Variants in MMP16 observed in about 807,000 individuals in gnomAD.
MMP16 encodes matrix metallopeptidase 16.
A neutral mutation model predicts 67.8 loss-of-function variants in MMP16; 12 were observed. The observed-to-expected ratio is 0.18, with a 90% CI of 0.11 to 0.29. The LOEUF is 0.29. Among genes scored for constraint, MMP16 ranks in the 10% least tolerant of loss-of-function variants. MMP16 has a pLI of 1.00. For missense variants in MMP16, 475 were observed against 765.7 expected, an observed-to-expected ratio of 0.62 and a Z score of 4.48; for synonymous variants, 249 against 255.9, an observed-to-expected ratio of 0.97 and a Z score of 0.26.
In MMP16 at chr8:88,177,896, T is replaced by C. The variant is rs78662478; in HGVS notation, c.404+8580A>G. ...ACAGCAAACCAACAGGGCTCCACTA[T>C]ATTATATATATGAGATAGTTTAAAG... is the stretch of plus-strand genomic sequence containing the variant. On this transcript the variant is annotated intron_variant, in intron 3 of 9. Transcript: ENST00000286614. Among the ~76,000 whole-genome samples, 120 of 152,056 alleles carry C rather than the reference T, an allele frequency of 7.9e-4. 2 individuals carry two copies. The East Asian group carries it at 0.017, about 21-fold the overall frequency.
At chr8:88,187,994 T>C (rs1809101073) in intron 2 of MMP16, among the ~76,000 whole-genome samples, 1 of 152,154 alleles carries the variant, frequency 6.6e-6, no homozygotes, top group South Asian at 2.1e-4. Flanking sequence ...GGAGGTGAGA[T>C]CAGAGGCCTC....
Position 88,116,503 on chromosome 8 carries a change from C to A in MMP16, c.1083+4G>T, listed in dbSNP as rs960287512. ...TTAAAAAAAAAAAAATCACAGTCTC[C>A]TACCTTGAAAACAAACATCTCACGA... On this transcript the variant is annotated splice_donor_region_variant and intron_variant, in intron 6 of 9. Transcript: ENST00000286614. The A allele has an allele frequency of 2.5e-6, 4 of 1,612,426 alleles. No homozygotes were observed. In the African/African-American group the frequency reaches 5.3e-5, roughly 22 times the overall value.
At chr8:88,138,367 GCCCTATACTCTAATTTTCGTA>G (rs1808157776) in intron 4 of MMP16, among the ~76,000 whole-genome samples, 1 of 151,814 alleles carries the variant, frequency 6.6e-6, no homozygotes, top group African/African-American at 2.4e-5. Flanking sequence ...GGCCTAACAG[GCCCTATACTCTAATTTTCGTA>G]GCCTCACAAC....
intron 1 of MMP16, among the ~76,000 whole-genome samples, chr8:88,297,696 T>C (rs940232344): frequency 1.3e-5 from 2 of 152,206 alleles, no homozygotes. Context: ...CTGTCAGGAA[T>C]CCAGTTCTCG....
chr8:88,267,813 A>C (rs1810497994), intron 1 of MMP16, among the ~76,000 whole-genome samples: 1 of 152,196 alleles, frequency 6.6e-6, no homozygotes, highest in South Asian at 2.1e-4. Context: ...AGAATATAGA[A>C]ATTAGGGCAA....
At chr8:88,199,541 C>T (rs189499710) in intron 1 of MMP16, among the ~76,000 whole-genome samples, 2 of 152,002 alleles carry the variant, frequency 1.3e-5, no homozygotes, top group East Asian at 3.9e-4. Flanking sequence ...TTCCAAAGTA[C>T]AAACTTATAA....
At chr8:88,234,303 T>G (rs1809907577) in intron 1 of MMP16, among the ~76,000 whole-genome samples, 1 of 152,204 alleles carries the variant, frequency 6.6e-6, no homozygotes, top group South Asian at 2.1e-4. Flanking sequence ...AGCTAGAACT[T>G]GGGTATGCCA....
chr8:88,078,142 T>C (rs967020862), intron 6 of MMP16, among the ~76,000 whole-genome samples: 1 of 152,074 alleles, frequency 6.6e-6, no homozygotes, highest in African/African-American at 2.4e-5. Flanking sequence ...TCTCTTTCTT[T>C]GGTTTGGCCC....
intron 1 of MMP16, among the ~76,000 whole-genome samples, chr8:88,294,982 G>A (rs1308615225): frequency 6.6e-6 from 1 of 152,150 alleles, no homozygotes; most frequent in Admixed American, 6.5e-5. Context: ...CAAAGTGCTG[G>A]CATTACAGGC....
Position 88,221,935 on chromosome 8 carries a change from TG to T in MMP16, c.133-24630del, listed in dbSNP as rs1252253277. Among the ~76,000 whole-genome samples, 6 of 152,232 alleles carry T rather than the reference TG, an allele frequency of 3.9e-5. No individual in the cohort carries two copies. In the East Asian group the frequency reaches 5.8e-4, roughly 15 times the overall value. On this transcript the variant is annotated intron_variant, in intron 1 of 9. Transcript: ENST00000286614. ...CATGAATTGTCTTCCATCAAGGCTG[TG>T]GGAGGTTTTTGGCATGATATATTAC...
intron 4 of MMP16, among the ~76,000 whole-genome samples, chr8:88,126,702 A>G (rs1480036918): frequency 6.6e-6 from 1 of 151,814 alleles, no homozygotes; most frequent in Admixed American, 6.6e-5. Flanking sequence ...TTACATATAT[A>G]TCAAAAATAA....
intron 6 of MMP16, among the ~76,000 whole-genome samples, chr8:88,097,031 A>G (rs986914813): frequency 6.6e-6 from 1 of 151,878 alleles, no homozygotes; most frequent in Non-Finnish European, 1.5e-5. Context: ...TGTAGGTTTT[A>G]GTTCTACCTC....
intron 4 of MMP16, among the ~76,000 whole-genome samples, chr8:88,124,040 G>T (rs1339116993): frequency 6.6e-6 from 1 of 151,842 alleles, no homozygotes; most frequent in Non-Finnish European, 1.5e-5. Flanking sequence ...AATGTTTATT[G>T]CAATCATTTT....
intron 1 of MMP16, among the ~76,000 whole-genome samples, chr8:88,250,561 T>C (rs547552395): frequency 6.6e-6 from 1 of 152,156 alleles, no homozygotes; most frequent in Admixed American, 6.6e-5. Context: ...CAGATTGTTT[T>C]GTAGCATGAT....
chr8:88,165,178 T>TAAG (rs1292251596), intron 4 of MMP16, among the ~76,000 whole-genome samples: 2 of 95,262 alleles, frequency 2.1e-5, no homozygotes, highest in Non-Finnish European at 4.2e-5. Context: ...ACCCCATCTC[T>TAAG]AAAAAAAAAA....
At chr8:88,308,158 T>C (rs1357386493) in intron 1 of MMP16, among the ~76,000 whole-genome samples, 1 of 152,072 alleles carries the variant, frequency 6.6e-6, no homozygotes, top group Admixed American at 6.6e-5. Context: ...TGGCCACAAT[T>C]CTTCACTTCA....
chr8:88,133,772 C>T (rs934670633), intron 4 of MMP16, among the ~76,000 whole-genome samples: 5 of 151,716 alleles, frequency 3.3e-5, no homozygotes, highest in East Asian at 1.9e-4. Flanking sequence ...TATAAAAATT[C>T]ACTGGTTTTC....
chr8:88,095,176 A>T (rs1357180483), intron 6 of MMP16, among the ~76,000 whole-genome samples: 1 of 151,696 alleles, frequency 6.6e-6, no homozygotes, highest in African/African-American at 2.4e-5. Flanking sequence ...TTGCTAAAAG[A>T]CTTTTTTTTT....
At chr8:88,197,416 C>A (rs1809274537) in intron 1 of MMP16, 110 bp from the exon 2 acceptor site, 1 of 860,554 alleles carries the variant, frequency 1.2e-6, no homozygotes, top group African/African-American at 1.8e-5. Flanking sequence ...TCCACAAGGG[C>A]ATACAGTATT....
Sources: allele counts gnomAD v4.1 joint callset (sites outside exome capture counted in the v4.1 genomes callset), GRCh38; gene constraint gnomAD v4.1.1; transcripts MANE v1.5; gene names NCBI Gene and HGNC (gene_info 2026-07-23, HGNC 2026-07-21).